The following XPR1 variants were observed in gnomAD, a reference collection of about 807,000 sequenced individuals.
XPR1 encodes solute carrier family 53 member 1.
In XPR1, 28 loss-of-function variants were observed where a neutral mutation model predicts 87.5. That is an observed-to-expected ratio of 0.32 (90% CI 0.24 to 0.44). XPR1 has a LOEUF of 0.44. Among genes scored for constraint, XPR1 ranks in the 20% least tolerant of loss-of-function variants. The probability of loss-of-function intolerance (pLI) is 1.00; values close to 1 mark genes in which losing one functional copy is unlikely to be tolerated. For synonymous variants in XPR1, 300 were observed against 306.1 expected (o/e 0.98, Z 0.21); for missense variants, 559 against 862.3 (o/e 0.65, Z 4.41).
At chr1:180,776,720 A>G (rs1648740172) in intron 2 of XPR1, among the ~76,000 whole-genome samples, 1 of 152,082 alleles carries the variant, frequency 6.6e-6, no homozygotes, top group South Asian at 2.1e-4. Flanking sequence ...TTATTTATTG[A>G]TATTTCATTT....
intron 14 of XPR1, among the ~76,000 whole-genome samples, chr1:180,882,967 G>GTTTTTTTTT (rs1156645233): frequency 6.6e-6 from 1 of 150,536 alleles, no homozygotes; most frequent in Admixed American, 6.6e-5. Context: ...TTGGGGGTTG[G>GTTTTTTTTT]TTGTTTTTTT....
chr1:180,711,263 G>A (rs77345417), intron 2 of XPR1, among the ~76,000 whole-genome samples: 1 of 151,730 alleles, frequency 6.6e-6, no homozygotes, highest in South Asian at 2.1e-4. Flanking sequence ...CAAGGCAGGC[G>A]GCTGGGAGGT....
intron 9 of XPR1, 114 bp downstream of exon 9, chr1:180,825,458 A>G: frequency 3.5e-6 from 4 of 1,154,580 alleles, no homozygotes; most frequent in Non-Finnish European, 4.7e-6. Context: ...GGTTCACATT[A>G]TAGTTTATGT....
At chr1:180,761,175 C>G (rs1230264423) in intron 2 of XPR1, among the ~76,000 whole-genome samples, 3 of 152,068 alleles carry the variant, frequency 2.0e-5, no homozygotes, top group African/African-American at 7.2e-5. Flanking sequence ...AGAAGAAAAC[C>G]TAGGCAATAC....
rs1014363890 is a variant in XPR1, at chr1:180,823,563, G to A, written c.764-1190G>A. 1.6e-4 allele frequency among the ~76,000 whole-genome samples: 24 copies of A among 152,124 alleles called. 1 individual carries two copies. Among genetic ancestry groups the A allele is most frequent in the African/African-American group, 4.8e-4 (20 of 41,410 alleles). ...ACGAGTCAAGAGTTAATATTTTAGGGGTGCTGCGAGATAAGTTTGGGAAAA... is the reference window on the plus strand; with the variant it reads ...ACGAGTCAAGAGTTAATATTTTAGGAGTGCTGCGAGATAAGTTTGGGAAAA... On this transcript the variant is annotated intron_variant, in intron 7 of 14. Coordinates refer to ENST00000367590, the MANE Select transcript of XPR1 (RefSeq NM_004736.4).
intron 2 of XPR1, among the ~76,000 whole-genome samples, chr1:180,726,226 T>G (rs918146487): frequency 2.0e-5 from 3 of 152,138 alleles, no homozygotes; most frequent in Admixed American, 6.5e-5. Context: ...AATGGACCAG[T>G]CAGCACTTTG....
At chr1:180,682,943 T>A (rs1207145903) in intron 2 of XPR1, among the ~76,000 whole-genome samples, 8 of 152,142 alleles carry the variant, frequency 5.3e-5, no homozygotes, top group Non-Finnish European at 1.5e-5. Flanking sequence ...ATGTTCCTTC[T>A]CAGGCTGGAT....
At chr1:180,850,126 G>A (rs1651817833) in intron 11 of XPR1, among the ~76,000 whole-genome samples, 1 of 152,128 alleles carries the variant, frequency 6.6e-6, no homozygotes, top group African/African-American at 2.4e-5. Flanking sequence ...TAGCATTTGA[G>A]ATAATACAGG....
At chr1:180,855,036 G>A (rs1373680219) in intron 11 of XPR1, among the ~76,000 whole-genome samples, 4 of 152,152 alleles carry the variant, frequency 2.6e-5, no homozygotes, top group Admixed American at 6.6e-5. Flanking sequence ...TATTAATTAA[G>A]CCCCTACTAT....
chr1:180,646,660 A>G (rs1425755056), intron 1 of XPR1, among the ~76,000 whole-genome samples: 2 of 152,132 alleles, frequency 1.3e-5, no homozygotes, highest in Non-Finnish European at 2.9e-5. Flanking sequence ...TCCCCTATTC[A>G]AAGAAGCTCT....
intron 2 of XPR1, among the ~76,000 whole-genome samples, chr1:180,780,688 A>C (rs1018141264): frequency 1.3e-5 from 2 of 149,460 alleles, no homozygotes; most frequent in African/African-American, 2.4e-5. Flanking sequence ...GAATGGCGTG[A>C]ACCTGGGAGG....
chr1:180,826,680 C>T (rs1650853910), intron 9 of XPR1, among the ~76,000 whole-genome samples: 1 of 152,126 alleles, frequency 6.6e-6, no homozygotes, highest in Non-Finnish European at 1.5e-5. Flanking sequence ...TCTATAAAAA[C>T]TTTCAGAATT....
At chr1:180,686,467 T>C (rs192523038) in intron 2 of XPR1, among the ~76,000 whole-genome samples, 1 of 152,298 alleles carries the variant, frequency 6.6e-6, no homozygotes, top group East Asian at 1.9e-4. Flanking sequence ...TATTCTGTTA[T>C]TTGGGGTGGA....
chr1:180,725,846 A>G (rs977482598), intron 2 of XPR1, among the ~76,000 whole-genome samples: 10 of 152,208 alleles, frequency 6.6e-5, no homozygotes, highest in Admixed American at 3.3e-4. Context: ...CTTAATTGCT[A>G]TGTGCCCTTA....
chr1:180,742,241 G>A (rs1190309355), intron 2 of XPR1, among the ~76,000 whole-genome samples: 1 of 151,956 alleles, frequency 6.6e-6, no homozygotes, highest in Non-Finnish European at 1.5e-5. Flanking sequence ...GCTTAGATTA[G>A]TGATTTGAGA....
At chr1:180,781,420 G>A (rs1648934781) in intron 2 of XPR1, among the ~76,000 whole-genome samples, 1 of 151,804 alleles carries the variant, frequency 6.6e-6, no homozygotes, top group Admixed American at 6.6e-5. Flanking sequence ...GTTGATAGTG[G>A]TTTTAAATAA....
At position 180,635,153 on chromosome 1, in the gene XPR1, A is replaced by G. The variant is rs557623381; in HGVS notation, c.69+2883A>G. ...GTCTTCATAGGCAGAATAATAAAGC[A>G]TAAAATAACAGACCAACATGGAGAA... On this transcript the variant is annotated intron_variant, in intron 1 of 14. Coordinates refer to ENST00000367590, the MANE Select transcript of XPR1 (RefSeq NM_004736.4). Among the ~76,000 whole-genome samples the G allele has an allele frequency of 1.6e-4, 24 of 152,324 alleles. No individual in the cohort carries two copies. The South Asian group carries it at 4.6e-3, about 29-fold the overall frequency.
chr1:180,724,893 G>T (rs900784749), intron 2 of XPR1, among the ~76,000 whole-genome samples: 1 of 152,122 alleles, frequency 6.6e-6, no homozygotes, highest in Non-Finnish European at 1.5e-5. Context: ...AAATGTGGTG[G>T]TATGGAGAAT....
Position 180,846,783 on chromosome 1 carries a change from G to T in XPR1, c.1501+10067G>T, listed in dbSNP as rs181765758. On this transcript the variant is annotated intron_variant, in intron 11 of 14. Coordinates refer to ENST00000367590, the MANE Select transcript of XPR1 (RefSeq NM_004736.4). The stretch of plus-strand genomic sequence containing the variant: ...TCATTGATACTTTGGATAGGTATAA[G>T]ATACGGTTTTCATGAAAATATTCAG... 1.3e-4 allele frequency among the ~76,000 whole-genome samples: 19 copies of T among 150,818 alleles called. No homozygotes were observed. In the East Asian group the frequency reaches 3.7e-3, roughly 29 times the overall value.
Sources: gnomAD v4.1 joint callset for allele counts (sites outside exome capture counted in the v4.1 genomes callset) on GRCh38, gnomAD v4.1.1 for gene constraint, MANE v1.5 for transcripts, NCBI Gene and HGNC (gene_info 2026-07-23, HGNC 2026-07-21) for gene names.